Variants in PCSK6 observed in about 807,000 individuals in gnomAD.
PCSK6 encodes proprotein convertase subtilisin/kexin type 6.
A neutral mutation model predicts 123.3 loss-of-function variants in PCSK6; 85 were observed. The observed-to-expected ratio is 0.69, with a 90% CI of 0.58 to 0.83. The LOEUF (loss-of-function observed/expected upper bound fraction) is 0.83, where lower values mean the gene tolerates loss of function less well. PCSK6 is among the 40% of genes least tolerant of loss of function. PCSK6 has a pLI of 0.00. For missense variants in PCSK6, 1,191 were observed against 1,282.3 expected (o/e 0.93, Z 1.09); for synonymous variants, 508 against 516.0 (o/e 0.98, Z 0.21).
At chr15:101,488,354 C>T (rs2058069427) in intron 1 of PCSK6, among the ~76,000 whole-genome samples, 1 of 152,166 alleles carries the variant, frequency 6.6e-6, no homozygotes, top group East Asian at 1.9e-4. Context: ...GGATCAACCC[C>T]AACTCACCGC....
chr15:101,400,946 C>T (rs1220261896), intron 6 of PCSK6, among the ~76,000 whole-genome samples: 1 of 152,154 alleles, frequency 6.6e-6, no homozygotes, highest in Non-Finnish European at 1.5e-5. Context: ...CCTGAAATTT[C>T]CCAGGCATGA....
chr15:101,342,134 A>C (rs2040628615), intron 13 of PCSK6, among the ~76,000 whole-genome samples: 1 of 91,588 alleles, frequency 1.1e-5, no homozygotes, highest in Admixed American at 1.6e-4. Flanking sequence ...TGTCTCAAAA[A>C]AAAAAAAAAA....
At chr15:101,375,904 T>G (rs1259905241) in intron 11 of PCSK6, among the ~76,000 whole-genome samples, 1 of 152,134 alleles carries the variant, frequency 6.6e-6, no homozygotes, top group Non-Finnish European at 1.5e-5. Context: ...TGTGATGGCA[T>G]GTGCCTATCA....
chr15:101,480,332 A>G (rs1195842350), intron 1 of PCSK6, among the ~76,000 whole-genome samples: 1 of 152,254 alleles, frequency 6.6e-6, no homozygotes, highest in Non-Finnish European at 1.5e-5. Context: ...GCGGCTGGGC[A>G]GAGCCACAGG....
intron 11 of PCSK6, among the ~76,000 whole-genome samples, chr15:101,372,664 G>A (rs571353036): frequency 3.3e-5 from 5 of 152,256 alleles, no homozygotes; most frequent in East Asian, 1.9e-4. Flanking sequence ...AGGTGGGTAC[G>A]TTAGGGAGAA....
intron 13 of PCSK6, among the ~76,000 whole-genome samples, chr15:101,342,434 T>C (rs1233923211): frequency 6.6e-6 from 1 of 152,220 alleles, no homozygotes; most frequent in Non-Finnish European, 1.5e-5. Flanking sequence ...CTGACAAATA[T>C]TTGATTAATC....
chr15:101,472,421 C>T (rs2172851), intron 1 of PCSK6, among the ~76,000 whole-genome samples: 114,253 of 152,276 alleles, frequency 0.75, 43,566 homozygotes, highest in Non-Finnish European at 0.83. Context: ...TTCACACCCA[C>T]GGTGCATGCA....
In PCSK6 at chr15:101,307,319, G is replaced by A. The variant is rs772337520; in HGVS notation, c.2706C>T (p.Asp902=). Residue 902 remains aspartate, a synonymous_variant, in exon 21 of 22, where the codon GAC becomes GAT. Coordinates refer to ENST00000611716, the MANE Select transcript of PCSK6 (RefSeq NM_002570.5). ...GLPHKVCRRC[D]ENCLSCAGSS... ...AGCCTGCACAGCTCAAGCAGTTCTC[G>A]TCACACCTGTGGGAAGATACCGTTC... 8.7e-6 allele frequency: 14 copies of A among 1,611,494 alleles called. No individual in the cohort carries two copies. The East Asian group carries it at 8.9e-5, about 10-fold the overall frequency.
chr15:101,470,460 T>C (rs903879382), intron 1 of PCSK6, among the ~76,000 whole-genome samples: 6 of 152,202 alleles, frequency 3.9e-5, no homozygotes, highest in African/African-American at 1.4e-4. Context: ...GATTATTTTA[T>C]TTCAGAAAAA....
rs573304309 is a variant in PCSK6 at position 101,390,330 on chromosome 15, T to A, written c.1210-766A>T. On this transcript the variant is annotated intron_variant, in intron 8 of 21. Transcript: ENST00000611716. ...TGCTGGGGGTTCAGCCTGTGTGGGT[T>A]CAGGTGTGCTAGGTGGGATTGTCGC... 8.9e-4 allele frequency among the ~76,000 whole-genome samples: 133 copies of A among 149,880 alleles called. 18 individuals are homozygous for A. The highest frequency in any genetic ancestry group is 2.8e-3 in the African/African-American group (114 of 40,840).
intron 1 of PCSK6, among the ~76,000 whole-genome samples, chr15:101,474,060 G>A (rs939882551): frequency 6.6e-6 from 1 of 152,196 alleles, no homozygotes; most frequent in Non-Finnish European, 1.5e-5. Context: ...GTATAAGACT[G>A]TTAATGAGCT....
chr15:101,404,401 A>G (rs2042706621), intron 6 of PCSK6, among the ~76,000 whole-genome samples: 1 of 152,142 alleles, frequency 6.6e-6, no homozygotes, highest in Non-Finnish European at 1.5e-5. Context: ...GTCTTTCCCA[A>G]ATCTGTGGTC....
At chr15:101,444,983 C>T (rs556358478) in intron 1 of PCSK6, among the ~76,000 whole-genome samples, 1 of 152,344 alleles carries the variant, frequency 6.6e-6, no homozygotes, top group East Asian at 1.9e-4. Flanking sequence ...GCCTTGCTGT[C>T]TCCTGTTCGT....
intron 2 of PCSK6, among the ~76,000 whole-genome samples, chr15:101,435,799 T>C (rs1009071394): frequency 2.0e-5 from 3 of 152,170 alleles, no homozygotes; most frequent in Admixed American, 2.0e-4. Context: ...TCTAAGGATG[T>C]TCCTAAAGGG....
chr15:101,370,542 C>T lies in PCSK6; in HGVS notation c.1533-19G>A. On this transcript the variant is annotated intron_variant, in intron 11 of 21. Transcript: ENST00000611716. ...GATGCTCCTGGGGGAGAAGGGAGGG[C>T]TCAGCACTTGGCACCGGAAGCATGA... is the stretch of plus-strand genomic sequence containing the variant. The T allele has an allele frequency of 2.1e-6, 3 of 1,430,284 alleles. No homozygotes were observed. Among genetic ancestry groups the T allele is most frequent in the East Asian group, 2.7e-5 (1 of 37,400 alleles). The allele number at this position is 1,430,284 out of a possible 1,614,324, so 88.6% of individuals were successfully genotyped here.
intron 10 of PCSK6, 56 bp downstream of exon 10, chr15:101,384,266 C>T (rs754592635): frequency 3.8e-6 from 6 of 1,583,066 alleles, no homozygotes; most frequent in South Asian, 1.1e-5. Context: ...TTCATGACAC[C>T]CCTTCCTACA....
chr15:101,360,056 A>T (rs994620279), intron 13 of PCSK6, among the ~76,000 whole-genome samples: 2 of 151,978 alleles, frequency 1.3e-5, no homozygotes, highest in African/African-American at 4.8e-5. Context: ...GCAGGACAAA[A>T]ACTCTGAAGT....
intron 13 of PCSK6, among the ~76,000 whole-genome samples, chr15:101,340,351 C>T (rs150256486): frequency 5.9e-5 from 9 of 152,286 alleles, no homozygotes; most frequent in Non-Finnish European, 7.4e-5. Flanking sequence ...GGAAAAGGAT[C>T]GAAGAATCCT....
Position 101,370,530 on chromosome 15 carries a change from G to A in PCSK6, c.1533-7C>T, listed in dbSNP as rs899961151. The A allele has an allele frequency of 6.1e-6, 9 of 1,463,464 alleles. No homozygotes were observed. Among genetic ancestry groups the A allele is most frequent in the African/African-American group, 4.3e-5 (3 of 70,410 alleles). The allele number at this position is 1,463,464 out of a possible 1,614,324, so 90.7% of individuals were successfully genotyped here. A position where few individuals can be genotyped will look rare whatever the true frequency, so the allele number is the denominator to read the frequency against. Reference sequence around the variant, plus strand: ...CTGCACTAAGGGGATGCTCCTGGGGGAGAAGGGAGGGCTCAGCACTTGGCA... The same window carrying A: ...CTGCACTAAGGGGATGCTCCTGGGGAAGAAGGGAGGGCTCAGCACTTGGCA... On this transcript the variant is annotated splice_region_variant and splice_polypyrimidine_tract_variant and intron_variant, in intron 11 of 21. Coordinates refer to ENST00000611716, the MANE Select transcript of PCSK6 (RefSeq NM_002570.5).
Sources: allele counts gnomAD v4.1 joint callset (sites outside exome capture counted in the v4.1 genomes callset), GRCh38; gene constraint gnomAD v4.1.1; transcripts MANE v1.5; gene names NCBI Gene and HGNC (gene_info 2026-07-23, HGNC 2026-07-21).